Variants in PRKD1 observed in about 807,000 individuals in gnomAD.
PRKD1 encodes protein kinase D1.
PRKD1 carries 63 observed loss-of-function variants against 95.9 expected under a neutral mutation model. The ratio of observed to expected loss-of-function variants is 0.66; its 90% CI spans 0.54 to 0.81. The LOEUF is 0.81. Among genes scored for constraint, PRKD1 ranks in the 30% least tolerant of loss-of-function variants. The pLI is 0.00. For missense variants in PRKD1, 1,048 were observed against 1,165.3 expected, an observed-to-expected ratio of 0.90 and a Z score of 1.47; for synonymous variants, 425 against 423.1, an observed-to-expected ratio of 1.00 and a Z score of -0.05.
chr14:29,827,730 TG>T (rs1891254320), intron 1 of PRKD1, among the ~76,000 whole-genome samples: 1 of 152,198 alleles, frequency 6.6e-6, no homozygotes, highest in South Asian at 2.1e-4. Context: ...ATATATTCTC[TG>T]GTTTCCCATT....
intron 4 of PRKD1, among the ~76,000 whole-genome samples, chr14:29,658,442 AT>A (rs1350765141): frequency 6.6e-6 from 1 of 152,126 alleles, no homozygotes; most frequent in African/African-American, 2.4e-5. Flanking sequence ...GATGTCCAAA[AT>A]TTGGATGAAC....
chr14:29,912,218 G>T (rs1894741547), intron 1 of PRKD1, among the ~76,000 whole-genome samples: 1 of 152,046 alleles, frequency 6.6e-6, no homozygotes, highest in African/African-American at 2.4e-5. Context: ...TGACCTATAA[G>T]GTAACATTCA....
At chr14:29,848,553 C>T (rs1303445645) in intron 1 of PRKD1, among the ~76,000 whole-genome samples, 2 of 149,720 alleles carry the variant, frequency 1.3e-5, no homozygotes, top group East Asian at 3.9e-4. Flanking sequence ...AGACAGCCTA[C>T]AACAATTTTA....
chr14:29,828,927 T>G (rs1324437284), intron 1 of PRKD1, among the ~76,000 whole-genome samples: 12 of 152,322 alleles, frequency 7.9e-5, no homozygotes, highest in African/African-American at 2.9e-4. Flanking sequence ...ATTTCCTAGC[T>G]AGTCCTTAAG....
At chr14:29,605,486 G>A (rs187101573) in intron 13 of PRKD1, among the ~76,000 whole-genome samples, 13 of 152,152 alleles carry the variant, frequency 8.5e-5, no homozygotes, top group Non-Finnish European at 1.6e-4. Context: ...GACCACGAAC[G>A]TTTATCGGGT....
intron 1 of PRKD1, among the ~76,000 whole-genome samples, chr14:29,757,657 AAAT>A (rs1887771644): frequency 6.6e-6 from 1 of 151,730 alleles, no homozygotes; most frequent in Non-Finnish European, 1.5e-5. Flanking sequence ...TGGTTTTTAA[AAAT>A]AAACCAATTA....
At chr14:29,795,628 A>G (rs1889780177) in intron 1 of PRKD1, among the ~76,000 whole-genome samples, 1 of 152,134 alleles carries the variant, frequency 6.6e-6, no homozygotes, top group South Asian at 2.1e-4. Flanking sequence ...GTTCTTTTCT[A>G]CTGTAAAATT....
intron 2 of PRKD1, among the ~76,000 whole-genome samples, chr14:29,705,431 C>T (rs895947151): frequency 1.3e-5 from 2 of 148,166 alleles, no homozygotes; most frequent in East Asian, 2.0e-4. Context: ...TTTATCCTCT[C>T]GATGAACAGA....
chr14:29,870,006 C>T (rs1012544672), intron 1 of PRKD1, among the ~76,000 whole-genome samples: 20 of 152,150 alleles, frequency 1.3e-4, no homozygotes, highest in Admixed American at 1.2e-3. Context: ...ATATGGTTAA[C>T]TTATGGCTCC....
At chr14:29,726,957 C>A (rs1886183507) in intron 1 of PRKD1, among the ~76,000 whole-genome samples, 2 of 152,000 alleles carry the variant, frequency 1.3e-5, no homozygotes, top group Non-Finnish European at 2.9e-5. Context: ...AGTTCTAGAT[C>A]CCTGAGGAAT....
At chr14:29,700,806 C>A (rs1271832177) in intron 2 of PRKD1, among the ~76,000 whole-genome samples, 1 of 152,138 alleles carries the variant, frequency 6.6e-6, no homozygotes, top group East Asian at 1.9e-4. Flanking sequence ...GGAATTCTGT[C>A]AGCAGACTTG....
At chr14:29,833,188 A>C (rs1054568950) in intron 1 of PRKD1, among the ~76,000 whole-genome samples, 1 of 152,154 alleles carries the variant, frequency 6.6e-6, no homozygotes, top group Non-Finnish European at 1.5e-5. Flanking sequence ...CTCCTAAAGA[A>C]TGTTTATCCT....
chr14:29,786,423 T>C (rs1330754528), intron 1 of PRKD1, among the ~76,000 whole-genome samples: 1 of 152,292 alleles, frequency 6.6e-6, no homozygotes, highest in East Asian at 1.9e-4. Context: ...TGGTGTTAGT[T>C]CTTCTTTATA....
intron 4 of PRKD1, among the ~76,000 whole-genome samples, chr14:29,642,332 T>C (rs1002837245): frequency 6.6e-6 from 1 of 152,222 alleles, no homozygotes; most frequent in Non-Finnish European, 1.5e-5. Context: ...TTCCAATTAT[T>C]ATGTGAAGTT....
intron 1 of PRKD1, among the ~76,000 whole-genome samples, chr14:29,766,069 CAGAA>C (rs1301723124): frequency 6.6e-6 from 1 of 151,752 alleles, no homozygotes; most frequent in East Asian, 1.9e-4. Context: ...AAGGGAGGAA[CAGAA>C]AGAGAGGAGA....
intron 1 of PRKD1, among the ~76,000 whole-genome samples, chr14:29,763,464 A>AG (rs1888115143): frequency 1.6e-5 from 1 of 61,570 alleles, no homozygotes. Flanking sequence ...GAAAGGAGGG[A>AG]AGGGGAGGGG....
chr14:29,898,000 A>G (rs1007062390), intron 1 of PRKD1, among the ~76,000 whole-genome samples: 53 of 152,230 alleles, frequency 3.5e-4, no homozygotes, highest in African/African-American at 4.6e-4. Context: ...TAAATTTAAA[A>G]TAAGTTAAAA....
At position 29,695,095 on chromosome 14, in the gene PRKD1, A is replaced by G. The variant is rs889560633; in HGVS notation, c.404-28887T>C. ...TAAAAATACAAAAAATTAGCCAGGC[A>G]TGGTGGTGGGTGCCTGTAATCCCAG... is the stretch of plus-strand genomic sequence containing the variant. On this transcript the variant is annotated intron_variant, in intron 2 of 17. Coordinates refer to ENST00000331968, the MANE Select transcript of PRKD1 (RefSeq NM_002742.3). Among the ~76,000 whole-genome samples, 3 of 152,012 alleles carry G rather than the reference A, an allele frequency of 2.0e-5. No homozygotes were observed. In the South Asian group the frequency reaches 6.2e-4, roughly 32 times the overall value.
At chr14:29,774,359 T>C (rs1472863944) in intron 1 of PRKD1, among the ~76,000 whole-genome samples, 1 of 152,116 alleles carries the variant, frequency 6.6e-6, no homozygotes, top group Non-Finnish European at 1.5e-5. Flanking sequence ...CAGCTGACTT[T>C]GCAGTAGTAG....
Sources: gnomAD v4.1 joint callset for allele counts (sites outside exome capture counted in the v4.1 genomes callset) on GRCh38, gnomAD v4.1.1 for gene constraint, MANE v1.5 for transcripts, NCBI Gene and HGNC (gene_info 2026-07-23, HGNC 2026-07-21) for gene names.